Variants in CCDC82 observed in about 807,000 individuals in gnomAD.
CCDC82 encodes the protein coiled-coil domain-containing protein 82.
Under a neutral mutation model 60.6 loss-of-function variants are expected in CCDC82, and 47 were observed. The observed-to-expected ratio is 0.77, with a 90% confidence interval of 0.61 to 0.99. The LOEUF (loss-of-function observed/expected upper bound fraction) is 0.99, where lower values mean the gene tolerates loss of function less well. CCDC82 is among the 50% of genes least tolerant of loss of function. CCDC82 has a pLI of 0.00. For synonymous variants in CCDC82, 212 were observed against 207.4 expected, an observed-to-expected ratio of 1.02 and a Z score of -0.19; for missense variants, 588 against 633.0, an observed-to-expected ratio of 0.93 and a Z score of 0.76.
intron 8 of CCDC82, among the ~76,000 whole-genome samples, chr11:96,361,102 T>C (rs191654350): frequency 5.9e-5 from 9 of 152,340 alleles, no homozygotes; most frequent in Admixed American, 5.2e-4. Flanking sequence ...TCCAACTTTG[T>C]GTAAAAAGAC....
intron 1 of CCDC82, chr11:96,387,816 C>T (rs940913181): frequency 2.0e-5 from 3 of 152,174 alleles, no homozygotes; most frequent in Non-Finnish European, 2.9e-5. Context: ...TTATTATCCA[C>T]CAGGCAAGAA....
chr11:96,388,316 A>G (rs1432567507), intron 1 of CCDC82: 1 of 152,204 alleles, frequency 6.6e-6, no homozygotes, highest in Admixed American at 6.5e-5. Context: ...TTACTTCTGT[A>G]TATGTTGAAT....
intron 5 of CCDC82, among the ~76,000 whole-genome samples, chr11:96,374,134 CTG>C (rs1258889250): frequency 3.3e-5 from 5 of 152,164 alleles, no homozygotes; most frequent in African/African-American, 4.8e-5. Flanking sequence ...TTTACTATGA[CTG>C]TGGAAATGTT....
chr11:96,364,834 C>G, intron 8 of CCDC82, 146 bp downstream of exon 8: 1 of 608,540 alleles, frequency 1.6e-6, no homozygotes. Context: ...AGCTATCTTC[C>G]ATTATTTACT....
At chr11:96,363,338 T>C (rs937650838) in intron 8 of CCDC82, 2 of 152,204 alleles carry the variant, frequency 1.3e-5, no homozygotes, top group Non-Finnish European at 1.5e-5. Context: ...TGCATTTACA[T>C]TGTATTGAAG....
intron 7 of CCDC82, among the ~76,000 whole-genome samples, chr11:96,365,569 A>G (rs1456505650): frequency 6.6e-6 from 1 of 152,176 alleles, no homozygotes; most frequent in Non-Finnish European, 1.5e-5. Context: ...CCATTATATG[A>G]ATTATATATT....
Position 96,383,270 on chromosome 11 carries a change from AAG to A in CCDC82, c.988_989del (p.Tyr331PhefsTer3). On this transcript the variant is annotated frameshift_variant and splice_region_variant, in exon 5 of 10. Coordinates refer to ENST00000646818, the MANE Select transcript of CCDC82 (RefSeq NM_024725.4). LOFTEE classifies it high-confidence loss of function. ...ACATTTTCTTAATATTGAACTTACA[AAG>A]AGAATTCTGTTTTACTAATTTCAGT... is the stretch of plus-strand genomic sequence containing the variant. ...SQLKLVKQNSLYSFSDHYTHF... is the reference protein window; with the variant it reads ...SQLKLVKQNSXYSFSDHYTHF... The A allele has an allele frequency of 6.7e-7, 1 of 1,494,924 alleles. No individual in the cohort carries two copies. The highest frequency in any genetic ancestry group is 1.1e-5 in the South Asian group (1 of 88,522). The allele number at this position is 1,494,924 out of a possible 1,614,324, so 92.6% of individuals were successfully genotyped here. A position where few individuals can be genotyped will look rare whatever the true frequency, so the allele number is the denominator to read the frequency against.
At chr11:96,380,365 A>C (rs556587068) in intron 5 of CCDC82, among the ~76,000 whole-genome samples, 1 of 151,948 alleles carries the variant, frequency 6.6e-6, no homozygotes, top group East Asian at 1.9e-4. Context: ...GAGCCGAATG[A>C]GAAGCTGTAA....
chr11:96,388,547 G>T (rs1023743705), intron 1 of CCDC82: 9 of 152,132 alleles, frequency 5.9e-5, no homozygotes, highest in African/African-American at 2.2e-4. Flanking sequence ...AATCCATATT[G>T]CTTGTGTTCT....
At chr11:96,384,813 T>C (rs1866102288) in intron 3 of CCDC82, 52 bp from the exon 4 acceptor site, 1 of 1,101,228 alleles carries the variant, frequency 9.1e-7, no homozygotes, top group East Asian at 2.5e-5. Context: ...ATTAGAGCAA[T>C]GAATGCATTT....
chr11:96,386,316 T>C (rs994174993), intron 2 of CCDC82, 23 bp from the exon 3 acceptor site: 3 of 152,394 alleles, frequency 2.0e-5, no homozygotes, highest in Admixed American at 6.5e-5. Flanking sequence ...GAAGAGAGGA[T>C]ACAGCTCATT....
intron 5 of CCDC82, among the ~76,000 whole-genome samples, chr11:96,375,358 G>C (rs895101411): frequency 2.6e-5 from 4 of 152,142 alleles, no homozygotes; most frequent in African/African-American, 9.7e-5. Context: ...AAAATCATTT[G>C]AGAAGTCTTG....
At chr11:96,370,369 A>G (rs75075956) in intron 7 of CCDC82, among the ~76,000 whole-genome samples, 2,322 of 152,324 alleles carry the variant, frequency 0.015, 67 homozygotes, top group African/African-American at 0.052. Flanking sequence ...CATAAAATAG[A>G]TAACTGGTAC....
intron 5 of CCDC82, among the ~76,000 whole-genome samples, chr11:96,379,630 C>G (rs955299027): frequency 1.4e-4 from 22 of 151,776 alleles, no homozygotes; most frequent in Non-Finnish European, 4.4e-5. Flanking sequence ...AAAATTCACT[C>G]TTTTTGGTGT....
At chr11:96,382,960 T>C (rs1865957489) in intron 5 of CCDC82, 1 of 220,648 alleles carries the variant, frequency 4.5e-6, no homozygotes, top group Non-Finnish European at 8.7e-6. Flanking sequence ...ATTAATGTAA[T>C]AAATTTACTA....
At chr11:96,386,745 A>G (rs561205198) in intron 2 of CCDC82, 2 of 152,352 alleles carry the variant, frequency 1.3e-5, no homozygotes, top group East Asian at 3.9e-4. Context: ...GCAATCTAAC[A>G]AATTCTGGTC....
At chr11:96,357,420 TGGCTTTCTTGAAAAGAAAG>T (rs1384572343) in intron 9 of CCDC82, 1 of 985,182 alleles carries the variant, frequency 1.0e-6, no homozygotes, top group African/African-American at 1.7e-5. Context: ...ACATGACACT[TGGCTTTCTTGAAAAGAAAG>T]CCTAAGCTCC....
At chr11:96,356,796 T>C in intron 9 of CCDC82, 1 of 985,304 alleles carries the variant, frequency 1.0e-6, no homozygotes, top group Non-Finnish European at 1.2e-6. Context: ...AAGAATGAAG[T>C]CAGTCTAGTT....
intron 9 of CCDC82, chr11:96,355,677 T>C (rs1444128990): frequency 6.6e-6 from 1 of 152,020 alleles, no homozygotes. Flanking sequence ...GAGATTTAAA[T>C]GGTGTGGCTA....
Sources: allele counts gnomAD v4.1 joint callset (sites outside exome capture counted in the v4.1 genomes callset), GRCh38; gene constraint gnomAD v4.1.1; transcripts MANE v1.5; gene names NCBI Gene and HGNC (gene_info 2026-07-23, HGNC 2026-07-21).